The following SGK2 variants were observed in gnomAD, a reference collection of about 807,000 sequenced individuals.
The protein encoded by SGK2 is serum/glucocorticoid regulated kinase 2.
A neutral mutation model predicts 47.5 loss-of-function variants in SGK2; 36 were observed. The ratio of observed to expected loss-of-function variants is 0.76; its 90% CI spans 0.58 to 1.00. SGK2 has a LOEUF of 1.00. Among genes scored for constraint, SGK2 ranks in the 50% least tolerant of loss-of-function variants. The pLI is 0.00. For synonymous variants in SGK2, 157 were observed against 181.9 expected, an observed-to-expected ratio of 0.86 and a Z score of 1.10; for missense variants, 404 against 467.4, an observed-to-expected ratio of 0.86 and a Z score of 1.25.
rs1467145030 is a variant in SGK2, at chr20:43,567,045, A to G, written c.37-23A>G. The G allele has an allele frequency of 2.5e-6, 4 of 1,610,316 alleles. No homozygotes were observed. In the East Asian group the frequency reaches 8.9e-5, roughly 36 times the overall value. ...GTAGCCAAGGAGTAGGGATCTGCTG[A>G]TCATAATCACTTCTTTCTTTAGCCC... On this transcript the variant is annotated intron_variant, in intron 2 of 12. Coordinates refer to ENST00000373100, the MANE Select transcript of SGK2 (RefSeq NM_170693.3).
intron 1 of SGK2, among the ~76,000 whole-genome samples, chr20:43,561,370 A>G (rs917816696): frequency 6.7e-6 from 1 of 150,058 alleles, no homozygotes; most frequent in Non-Finnish European, 1.5e-5. Flanking sequence ...CTCATAAACC[A>G]TGGTAGAGGC....
Position 43,585,043 on chromosome 20 carries a change from G to A in SGK2, c.*27G>A, listed in dbSNP as rs1253748458. On this transcript the variant is annotated 3_prime_UTR_variant, in exon 13 of 13. Transcript: ENST00000373100. ...AGAGAAGGACCTGTGAAACTACTGA[G>A]GCCAGCTGGTATTAGTAAGGAATTA... 6 of 1,599,648 alleles carry A rather than the reference G, an allele frequency of 3.8e-6. No individual in the cohort carries two copies. In the East Asian group the frequency reaches 9.0e-5, roughly 24 times the overall value.
rs756757454 is a variant in SGK2, at chr20:43,585,047, A to G, written c.*31A>G. 1 of 1,594,800 alleles carries G rather than the reference A, an allele frequency of 6.3e-7. No homozygotes were observed. Among genetic ancestry groups the G allele is most frequent in the Non-Finnish European group, 8.6e-7 (1 of 1,167,374 alleles). On this transcript the variant is annotated 3_prime_UTR_variant, in exon 13 of 13. Coordinates refer to ENST00000373100, the MANE Select transcript of SGK2 (RefSeq NM_170693.3). ...AAGGACCTGTGAAACTACTGAGGCC[A>G]GCTGGTATTAGTAAGGAATTACCTT...
At chr20:43,560,336 T>A (rs1979306639) in intron 1 of SGK2, among the ~76,000 whole-genome samples, 1 of 152,014 alleles carries the variant, frequency 6.6e-6, no homozygotes, top group Admixed American at 6.6e-5. Flanking sequence ...TCGTCTCGAC[T>A]AAAAATACAA....
intron 11 of SGK2, among the ~76,000 whole-genome samples, chr20:43,579,321 C>T (rs770275020): frequency 1.4e-4 from 22 of 152,084 alleles, no homozygotes; most frequent in African/African-American, 3.9e-4. Context: ...CAGCCTCTTA[C>T]GGAGATATTT....
intron 1 of SGK2, among the ~76,000 whole-genome samples, chr20:43,560,135 A>G (rs1255592321): frequency 1.3e-5 from 2 of 152,156 alleles, no homozygotes; most frequent in Non-Finnish European, 2.9e-5. Flanking sequence ...TCCCACCAGG[A>G]ACTCAGTACT....
intron 12 of SGK2, 101 bp from the exon 13 acceptor site, chr20:43,584,751 T>C: frequency 2.4e-6 from 2 of 837,508 alleles, no homozygotes; most frequent in Non-Finnish European, 3.9e-6. Flanking sequence ...CTGTGAAGCA[T>C]GGGGCACTCA....
intron 11 of SGK2, among the ~76,000 whole-genome samples, chr20:43,579,135 A>G (rs2145556532): frequency 6.6e-6 from 1 of 151,568 alleles, no homozygotes; most frequent in South Asian, 2.1e-4. Flanking sequence ...CTCCTGCCTC[A>G]GCCTCCCAAG....
chr20:43,573,863 G>A (rs1486078576), intron 9 of SGK2, among the ~76,000 whole-genome samples: 1 of 152,154 alleles, frequency 6.6e-6, no homozygotes, highest in African/African-American at 2.4e-5. Flanking sequence ...CGTTGCTAGG[G>A]ACGGGAACAA....
In SGK2 at chr20:43,585,002, A is replaced by C; in HGVS notation, c.1090A>C (p.Ile364Leu). ...TTCTTATGCGCCAGAGGATGATGAC[A>C]TCTTGGATTGCTAGAAGAGAAGGAC... ...GFSYAPEDDD[I>L]LDC The change falls in exon 13 of 13, where the codon ATC (isoleucine) becomes CTC (leucine). Residue 364 changes from isoleucine to leucine, a missense_variant. Transcript: ENST00000373100. The C allele has an allele frequency of 6.2e-7, 1 of 1,613,710 alleles. No individual in the cohort carries two copies. The highest frequency in any genetic ancestry group is 8.5e-7 in the Non-Finnish European group (1 of 1,179,780).
intron 1 of SGK2, among the ~76,000 whole-genome samples, chr20:43,563,709 T>C (rs1395456076): frequency 6.6e-6 from 1 of 152,194 alleles, no homozygotes; most frequent in African/African-American, 2.4e-5. Flanking sequence ...GCACAATTAT[T>C]TTGCTGTTAT....
At chr20:43,583,618 CTG>C (rs1980931893) in intron 12 of SGK2, 1 of 985,242 alleles carries the variant, frequency 1.0e-6, no homozygotes, top group Admixed American at 6.2e-5. Flanking sequence ...CACAGAGAGA[CTG>C]TATTGGTTAG....
At chr20:43,571,654 T>C (rs904140801) in intron 8 of SGK2, among the ~76,000 whole-genome samples, 3 of 152,148 alleles carry the variant, frequency 2.0e-5, no homozygotes, top group African/African-American at 7.2e-5. Context: ...GGGATAGGCA[T>C]GGTTCTTCTG....
Position 43,580,069 on chromosome 20 carries a change from G to A in SGK2, c.939+8G>A. On this transcript the variant is annotated splice_region_variant and intron_variant, in intron 12 of 12. Transcript: ENST00000373100. ...CCCTTCAACCCAAATGTGGTAAGAG[G>A]TCACAGCATTCTAGACTCTGGATTT... 6.4e-7 allele frequency: 1 copy of A among 1,570,168 alleles called. No individual in the cohort carries two copies. The highest frequency in any genetic ancestry group is 8.7e-7 in the Non-Finnish European group (1 of 1,151,836).
chr20:43,572,013 C>A lies in SGK2; in HGVS notation c.511-38C>A. The A allele has an allele frequency of 6.7e-7, 1 of 1,483,754 alleles. No individual in the cohort carries two copies. The highest frequency in any genetic ancestry group is 9.2e-7 in the Non-Finnish European group (1 of 1,087,604). The allele number at this position is 1,483,754 out of a possible 1,614,324, so 91.9% of individuals were successfully genotyped here. On this transcript the variant is annotated intron_variant, in intron 8 of 12. Transcript: ENST00000373100. The surrounding 1 kb of genome is among the most constrained non-coding windows in gnomAD (Gnocchi z 4.2). Reference sequence around the variant, plus strand: ...GTTAGGCCTGGCCATACCCTTGGCTCATACCACCCTCCAGCCCATGCCCTC... The same window carrying A: ...GTTAGGCCTGGCCATACCCTTGGCTAATACCACCCTCCAGCCCATGCCCTC...
intron 2 of SGK2, among the ~76,000 whole-genome samples, chr20:43,566,784 C>G (rs1326939194): frequency 1.3e-5 from 2 of 152,004 alleles, no homozygotes; most frequent in Non-Finnish European, 2.9e-5. Context: ...TGGGCAACTC[C>G]TCTCTGGGCC....
Position 43,570,613 on chromosome 20 carries a change from C to G in SGK2, c.361-4C>G. 2 of 1,598,658 alleles carry G rather than the reference C, an allele frequency of 1.3e-6. No homozygotes were observed. Among genetic ancestry groups the G allele is most frequent in the Non-Finnish European group, 1.7e-6 (2 of 1,169,718 alleles). On this transcript the variant is annotated splice_region_variant and splice_polypyrimidine_tract_variant and intron_variant, in intron 6 of 12. Transcript: ENST00000373100. ...ACTCCTGTCACACTCCTCCTCCCCT[C>G]CAGCTCTTCTTCCACCTGCAGCGGG...
chr20:43,575,801 A>G (rs1298280036), intron 10 of SGK2, among the ~76,000 whole-genome samples: 1 of 152,134 alleles, frequency 6.6e-6, no homozygotes, highest in African/African-American at 2.4e-5. Context: ...GAAGAATAGT[A>G]AGAAAGAGAA....
At chr20:43,578,132 A>C (rs575090778) in intron 11 of SGK2, among the ~76,000 whole-genome samples, 1 of 152,368 alleles carries the variant, frequency 6.6e-6, no homozygotes, top group Admixed American at 6.5e-5. Flanking sequence ...ATTTACAAAA[A>C]GAAGGCCGCA....
Sources: allele counts gnomAD v4.1 joint callset (sites outside exome capture counted in the v4.1 genomes callset), GRCh38; gene constraint gnomAD v4.1.1; non-coding constraint Gnocchi (gnomAD v3.1); transcripts MANE v1.5; gene names NCBI Gene and HGNC (gene_info 2026-07-23, HGNC 2026-07-21).